The following CDH12 variants were observed in gnomAD, a reference collection of about 807,000 sequenced individuals.
CDH12 encodes cadherin-12.
In CDH12, 41 loss-of-function variants were observed where a neutral mutation model predicts 74.1. The observed-to-expected ratio is 0.55, with a 90% confidence interval of 0.43 to 0.72. The LOEUF is 0.72. CDH12 is among the 30% of genes least tolerant of loss of function. The probability of loss-of-function intolerance (pLI) is 0.00; values close to 1 mark genes in which losing one functional copy is unlikely to be tolerated. For synonymous variants in CDH12, 399 were observed against 355.0 expected (o/e 1.12, Z -1.39); for missense variants, 945 against 977.2 (o/e 0.97, Z 0.44).
intron 2 of CDH12, among the ~76,000 whole-genome samples, chr5:22,456,288 A>G (rs1745272305): frequency 6.6e-6 from 1 of 150,494 alleles, no homozygotes; most frequent in Non-Finnish European, 1.5e-5. Context: ...AACTCTTAAT[A>G]AAGTCTGTGT....
At chr5:22,824,738 GAT>G (rs1402564128) in intron 1 of CDH12, among the ~76,000 whole-genome samples, 13 of 151,650 alleles carry the variant, frequency 8.6e-5, no homozygotes, top group African/African-American at 2.4e-4. Flanking sequence ...TACAAAATAA[GAT>G]AGAGAAAAAA....
At chr5:22,665,674 A>G (rs1253975144) in intron 1 of CDH12, among the ~76,000 whole-genome samples, 2 of 152,164 alleles carry the variant, frequency 1.3e-5, no homozygotes, top group African/African-American at 4.8e-5. Context: ...ACTTCTTCAC[A>G]TGAAGGCAAC....
chr5:22,659,676 C>T (rs1322066480), intron 1 of CDH12, among the ~76,000 whole-genome samples: 1 of 151,762 alleles, frequency 6.6e-6, no homozygotes, highest in Non-Finnish European at 1.5e-5. Context: ...TAGTTTTTTT[C>T]TCTCTCTCTC....
intron 1 of CDH12, among the ~76,000 whole-genome samples, chr5:22,789,915 G>A (rs1747824366): frequency 1.3e-5 from 2 of 151,688 alleles, no homozygotes; most frequent in African/African-American, 2.4e-5. Context: ...CCTTTTAGTG[G>A]CTTCATTTAA....
At chr5:22,195,078 A>T (rs1671525113) in intron 4 of CDH12, among the ~76,000 whole-genome samples, 1 of 152,216 alleles carries the variant, frequency 6.6e-6, no homozygotes, top group South Asian at 2.1e-4. Flanking sequence ...GGGTTGCCAT[A>T]GGTTCTTGAT....
intron 4 of CDH12, among the ~76,000 whole-genome samples, chr5:22,107,472 A>G (rs1744532826): frequency 2.0e-5 from 1 of 50,140 alleles, no homozygotes. Flanking sequence ...ATATACGTAT[A>G]TACATACGTA....
At position 22,316,493 on chromosome 5, in the gene CDH12, G is replaced by A. The variant is rs1390613286; in HGVS notation, c.-333+88764C>T. On this transcript the variant is annotated intron_variant, in intron 3 of 14. Transcript: ENST00000382254. Reference sequence around the variant, plus strand: ...CTTAGGCCCAAATAATGCTTACCTTGCATTCACAGAGAATTTTACTGTAAA... The same window carrying A: ...CTTAGGCCCAAATAATGCTTACCTTACATTCACAGAGAATTTTACTGTAAA... 2.6e-5 allele frequency among the ~76,000 whole-genome samples: 4 copies of A among 151,798 alleles called. No individual in the cohort carries two copies. In the East Asian group the frequency reaches 7.7e-4, roughly 29 times the overall value.
At chr5:22,452,556 A>G (rs1470100364) in intron 2 of CDH12, among the ~76,000 whole-genome samples, 1 of 151,982 alleles carries the variant, frequency 6.6e-6, no homozygotes, top group African/African-American at 2.4e-5. Context: ...TTCTCACCAT[A>G]TACAAAATTC....
At chr5:22,742,485 C>A (rs1039686015) in intron 1 of CDH12, among the ~76,000 whole-genome samples, 1 of 151,998 alleles carries the variant, frequency 6.6e-6, no homozygotes, top group Non-Finnish European at 1.5e-5. Flanking sequence ...TGTGGAAATA[C>A]CTTCAAAAAA....
At chr5:22,186,490 A>G (rs1228657049) in intron 4 of CDH12, among the ~76,000 whole-genome samples, 1 of 152,170 alleles carries the variant, frequency 6.6e-6, no homozygotes, top group Admixed American at 6.5e-5. Flanking sequence ...TTGTTTTTTG[A>G]GACAGAGTCT....
chr5:21,870,803 C>T (rs956317556), intron 6 of CDH12, among the ~76,000 whole-genome samples: 3 of 152,154 alleles, frequency 2.0e-5, no homozygotes. Context: ...ATAATCACAG[C>T]CTACTGCAGC....
intron 1 of CDH12, among the ~76,000 whole-genome samples, chr5:22,573,937 C>T (rs1353470902): frequency 6.6e-6 from 1 of 152,070 alleles, no homozygotes; most frequent in African/African-American, 2.4e-5. Flanking sequence ...AAGTGTCACG[C>T]TAAATGGTGT....
At chr5:22,383,113 G>A (rs971561751) in intron 3 of CDH12, among the ~76,000 whole-genome samples, 30 of 152,124 alleles carry the variant, frequency 2.0e-4, no homozygotes, top group African/African-American at 7.2e-4. Flanking sequence ...TTACAGGCGT[G>A]AGCCACTGCG....
intron 6 of CDH12, among the ~76,000 whole-genome samples, chr5:21,969,729 G>T (rs542337425): frequency 6.6e-6 from 1 of 152,234 alleles, no homozygotes; most frequent in East Asian, 1.9e-4. Context: ...CACTGCTAAG[G>T]TTTTAGCTAA....
intron 4 of CDH12, among the ~76,000 whole-genome samples, chr5:22,178,093 T>A (rs1580362536): frequency 6.6e-6 from 1 of 152,170 alleles, no homozygotes; most frequent in East Asian, 1.9e-4. Context: ...AATACCAAGA[T>A]ATTTATTATT....
At chr5:22,257,379 A>G (rs191268910) in intron 3 of CDH12, among the ~76,000 whole-genome samples, 128 of 152,168 alleles carry the variant, frequency 8.4e-4, no homozygotes, top group Middle Eastern at 6.8e-3. Context: ...AGAAAAGCTT[A>G]TATAATAAGG....
intron 4 of CDH12, among the ~76,000 whole-genome samples, chr5:22,202,201 T>TCCTTCCTTCCTTC (rs1561215524): frequency 6.9e-6 from 1 of 144,776 alleles, no homozygotes; most frequent in Non-Finnish European, 1.5e-5. Context: ...CTTCCTTCCT[T>TCCTTCCTTCCTTC]CTTTCAACAT....
At chr5:22,598,596 C>T (rs764737493) in intron 1 of CDH12, among the ~76,000 whole-genome samples, 1 of 152,128 alleles carries the variant, frequency 6.6e-6, no homozygotes, top group Non-Finnish European at 1.5e-5. Flanking sequence ...CAAACTAATA[C>T]ACATATGTTG....
chr5:22,517,653 T>G lies in CDH12; in HGVS notation c.-522-12289A>C, dbSNP rs749622459. Reference sequence around the variant, plus strand: ...CTCTGACTAATACACTAACTCAAAATAAAGCATCAACATCTGCTGCCAAAA... The same window carrying G: ...CTCTGACTAATACACTAACTCAAAAGAAAGCATCAACATCTGCTGCCAAAA... On this transcript the variant is annotated intron_variant, in intron 1 of 14. Transcript: ENST00000382254. Among the ~76,000 whole-genome samples, 19 of 152,192 alleles carry G rather than the reference T, an allele frequency of 1.2e-4. 1 individual carries two copies. The highest frequency in any genetic ancestry group is 8.3e-4 in the South Asian group (4 of 4,832).
Sources: gnomAD v4.1 joint callset for allele counts (sites outside exome capture counted in the v4.1 genomes callset) on GRCh38, gnomAD v4.1.1 for gene constraint, MANE v1.5 for transcripts, NCBI Gene and HGNC (gene_info 2026-07-23, HGNC 2026-07-21) for gene names.